CXorf58: variants seen among roughly 807,000 people sequenced by gnomAD.
The protein encoded by CXorf58 is chromosome X open reading frame 58, also known as uncharacterized protein CXorf58.
Under a neutral mutation model 26.0 loss-of-function variants are expected in CXorf58, and 24 were observed. The observed-to-expected ratio is 0.92, with a 90% CI of 0.67 to 1.30. The LOEUF (loss-of-function observed/expected upper bound fraction) is 1.30, where lower values mean the gene tolerates loss of function less well. Ranked by LOEUF, CXorf58 falls within the 50% of genes most tolerant of loss-of-function variation. The pLI, the probability that CXorf58 is intolerant of heterozygous loss-of-function variation, is 0.00. For missense variants in CXorf58, 236 were observed against 263.9 expected (o/e 0.89, Z 0.73); for synonymous variants, 87 against 86.1 (o/e 1.01, Z -0.06).
intron 5 of CXorf58, among the ~76,000 whole-genome samples, chrX:23,922,132 T>C (rs757726160): frequency 2.7e-5 from 3 of 110,330 alleles, no homozygotes; most frequent in Admixed American, 2.0e-4. Flanking sequence ...CCTAACACTT[T>C]GGGAGGCCGA....
intron 6 of CXorf58, among the ~76,000 whole-genome samples, chrX:23,932,535 T>C (rs1301428396): frequency 8.9e-6 from 1 of 112,260 alleles, no homozygotes; most frequent in African/African-American, 3.2e-5. Flanking sequence ...GGGTTTATCA[T>C]TGGGAGACAA....
intron 1 of CXorf58, 32 bp from the exon 2 acceptor site, chrX:23,910,251 T>C: frequency 1.4e-6 from 1 of 721,976 alleles, no homozygotes; most frequent in Non-Finnish European, 2.1e-6. Context: ...GTATAAATTA[T>C]GACCTCAAAG....
chrX:23,938,454 T>A, intron 7 of CXorf58, 93 bp from the exon 8 acceptor site: 2 of 672,712 alleles, frequency 3.0e-6, no homozygotes, highest in Non-Finnish European at 4.4e-6. Context: ...GTGATATATT[T>A]GCTAGAGAAA....
rs778302960 is a variant in CXorf58, at chrX:23,935,408, G to T, written c.768G>T (p.Arg256=). The T allele has an allele frequency of 2.5e-6, 3 of 1,193,560 alleles. No homozygotes were observed. Among genetic ancestry groups the T allele is most frequent in the Non-Finnish European group, 3.4e-6 (3 of 879,599 alleles). Residue 256 remains arginine, a synonymous_variant, in exon 7 of 9, where the codon CGG becomes CGT. Coordinates refer to ENST00000379211, the MANE Select transcript of CXorf58 (RefSeq NM_152761.3). Reference sequence around the variant, plus strand: ...AAGAGATCCATAAGCACCAGCTACGGATTGTTTCTGAAATTAGGTAAAACA... The same window carrying T: ...AAGAGATCCATAAGCACCAGCTACGTATTGTTTCTGAAATTAGGTAAAACA... ...VTQEIHKHQL[R]IVSEIRGPYL...
intron 3 of CXorf58, among the ~76,000 whole-genome samples, chrX:23,913,270 A>T (rs1206850059): frequency 8.2e-5 from 9 of 110,328 alleles, no homozygotes; most frequent in Non-Finnish European, 1.5e-4. Flanking sequence ...AACCTCCACC[A>T]CCCAGGTTCA....
intron 6 of CXorf58, among the ~76,000 whole-genome samples, chrX:23,932,751 T>C (rs1928190476): frequency 9.0e-6 from 1 of 111,540 alleles, no homozygotes; most frequent in Admixed American, 9.6e-5. Context: ...TCCCAGCACT[T>C]TGGGAGGCCA....
At chrX:23,923,212 G>T (rs1174358815) in intron 5 of CXorf58, among the ~76,000 whole-genome samples, 2 of 111,574 alleles carry the variant, frequency 1.8e-5, no homozygotes, top group East Asian at 5.6e-4. Flanking sequence ...TCACAGGTGG[G>T]CAGAGAGCTT....
chrX:23,913,652 C>T (rs2046719814), intron 3 of CXorf58, among the ~76,000 whole-genome samples: 1 of 111,558 alleles, frequency 9.0e-6, no homozygotes, highest in Non-Finnish European at 1.9e-5. Context: ...CCAGCGTGAG[C>T]TGGGATCTTT....
chrX:23,916,068 G>C (rs1927711701), intron 4 of CXorf58, 149 bp from the exon 5 acceptor site: 1 of 447,171 alleles, frequency 2.2e-6, no homozygotes, highest in African/African-American at 2.5e-5. Flanking sequence ...CATCCTATGT[G>C]ATCCATTTCA....
intron 7 of CXorf58, among the ~76,000 whole-genome samples, chrX:23,937,040 GA>G (rs112827460): frequency 3.1e-4 from 35 of 112,183 alleles, no homozygotes; most frequent in African/African-American, 1.1e-3. Context: ...CAATTGAAGA[GA>G]AAAAATACTT....
intron 5 of CXorf58, among the ~76,000 whole-genome samples, chrX:23,925,111 C>T (rs181970639): frequency 5.4e-5 from 6 of 111,659 alleles, no homozygotes; most frequent in Non-Finnish European, 1.1e-4. Flanking sequence ...CAGTTCTATA[C>T]GTTAGGAATA....
intron 2 of CXorf58, among the ~76,000 whole-genome samples, chrX:23,910,785 A>T: frequency 3.1e-5 from 1 of 32,645 alleles, no homozygotes; most frequent in African/African-American, 1.7e-4. Context: ...TTTTTTTTTC[A>T]GACAGAGTCT....
intron 1 of CXorf58, among the ~76,000 whole-genome samples, chrX:23,908,590 T>C (rs755184203): frequency 6.2e-5 from 7 of 112,108 alleles, no homozygotes; most frequent in Non-Finnish European, 1.1e-4. Context: ...ACATAGGAAG[T>C]GGGAAGCTAG....
rs1185378652 is a variant in CXorf58, at chrX:23,911,795, C to T, written c.155C>T (p.Ala52Val). 1 of 1,202,340 alleles carries T rather than the reference C, an allele frequency of 8.3e-7. No individual in the cohort carries two copies. Among genetic ancestry groups the T allele is most frequent in the Non-Finnish European group, 1.1e-6 (1 of 888,985 alleles). ...KDISAQIIQR[A>V]WLSHTNKMIF... ...ATTTCAGCTCAAATAATACAGAGGGCTTGGTTATCTCATACAAACAAAATG... is the reference window on the plus strand; with the variant it reads ...ATTTCAGCTCAAATAATACAGAGGGTTTGGTTATCTCATACAAACAAAATG... The change falls in exon 3 of 9, where the codon GCT becomes GTT. Residue 52 changes from alanine (A) to valine (V), a missense_variant. Coordinates refer to ENST00000379211, the MANE Select transcript of CXorf58 (RefSeq NM_152761.3).
chrX:23,930,196 C>CAAAAAAAAAAAAAA, intron 6 of CXorf58, among the ~76,000 whole-genome samples: 1 of 36,757 alleles, frequency 2.7e-5, no homozygotes, highest in Non-Finnish European at 4.3e-5. Context: ...GACTCTGTCT[C>CAAAAAAAAAAAAAA]AAAAAAAAAA....
intron 5 of CXorf58, 71 bp downstream of exon 5, chrX:23,916,399 C>A (rs1601959088): frequency 1.7e-6 from 1 of 576,289 alleles, no homozygotes. Context: ...GAATTGCATT[C>A]AAATTATACA....
intron 5 of CXorf58, among the ~76,000 whole-genome samples, chrX:23,922,228 G>A (rs1200190551): frequency 9.1e-6 from 1 of 109,384 alleles, no homozygotes; most frequent in African/African-American, 3.3e-5. Context: ...ACAAATATTA[G>A]CCAAGCGCGG....
chrX:23,913,956 A>G (rs775568451), intron 3 of CXorf58, among the ~76,000 whole-genome samples: 2 of 111,626 alleles, frequency 1.8e-5, no homozygotes, highest in East Asian at 5.6e-4. Flanking sequence ...TGAATATGGA[A>G]CTTGTATTTA....
chrX:23,939,340 G>T lies in CXorf58; in HGVS notation c.*37G>T. 1 of 1,009,170 alleles carries T rather than the reference G, an allele frequency of 9.9e-7. No individual in the cohort carries two copies. The highest frequency in any genetic ancestry group is 1.4e-6 in the Non-Finnish European group (1 of 733,899). 83.2% of individuals were successfully genotyped at this position (1,009,170 alleles called of 1,213,427 possible). A position where few individuals can be genotyped will look rare whatever the true frequency, so the allele number is the denominator to read the frequency against. The stretch of plus-strand genomic sequence containing the variant: ...CTAAGGAATCTATGTCAGAGTGTCA[G>T]CTGGAAAAAGAAAAAAGGACTCATT... On this transcript the variant is annotated 3_prime_UTR_variant, in exon 9 of 9. Transcript: ENST00000379211.
Sources: gnomAD v4.1 joint callset for allele counts (sites outside exome capture counted in the v4.1 genomes callset) on GRCh38, gnomAD v4.1.1 for gene constraint, MANE v1.5 for transcripts, NCBI Gene and HGNC (gene_info 2026-07-23, HGNC 2026-07-21) for gene names.